NTRK3: variants seen among roughly 807,000 people sequenced by gnomAD.
The protein encoded by NTRK3 is neurotrophic receptor tyrosine kinase 3, also known as NT-3 growth factor receptor.
Under a neutral mutation model 91.7 loss-of-function variants are expected in NTRK3, and 24 were observed. That is an observed-to-expected ratio of 0.26 (90% CI 0.19 to 0.37). The LOEUF (loss-of-function observed/expected upper bound fraction) is 0.37. Among genes scored for constraint, NTRK3 ranks in the 10% least tolerant of loss-of-function variants. The pLI is 1.00. For missense variants in NTRK3, 880 were observed against 1,068.9 expected, an observed-to-expected ratio of 0.82 and a Z score of 2.46; for synonymous variants, 483 against 404.0, an observed-to-expected ratio of 1.20 and a Z score of -2.34.
At chr15:87,868,059 T>G (rs1037850816) in exon 19 of NTRK3, 5 of 231,544 alleles carry the variant, frequency 2.2e-5, no homozygotes, top group African/African-American at 1.1e-4. Flanking sequence ...AAATCACACA[T>G]GTGATGCACA....
chr15:88,177,582 A>T (rs897579579), intron 5 of NTRK3, among the ~76,000 whole-genome samples: 1 of 152,234 alleles, frequency 6.6e-6, no homozygotes, highest in African/African-American at 2.4e-5. Flanking sequence ...CACTTACAAG[A>T]ACAAGAAGCA....
At chr15:87,917,519 T>C (rs1237546672) in intron 17 of NTRK3, among the ~76,000 whole-genome samples, 1 of 152,212 alleles carries the variant, frequency 6.6e-6, no homozygotes, top group African/African-American at 2.4e-5. Flanking sequence ...AGAATGGACT[T>C]GGTGGCCTAA....
intron 14 of NTRK3, chr15:87,981,092 C>T (rs868214710): frequency 2.2e-6 from 3 of 1,381,692 alleles, no homozygotes; most frequent in East Asian, 5.0e-5. Context: ...GTACCAAATC[C>T]CGTGCTGGGC....
At chr15:87,889,878 A>T (rs2065760085) in intron 17 of NTRK3, among the ~76,000 whole-genome samples, 1 of 152,164 alleles carries the variant, frequency 6.6e-6, no homozygotes, top group African/African-American at 2.4e-5. Flanking sequence ...AGATCCACAC[A>T]TCACATTTAG....
At chr15:88,040,511 A>G (rs2142123074) in intron 13 of NTRK3, among the ~76,000 whole-genome samples, 1 of 152,348 alleles carries the variant, frequency 6.6e-6, no homozygotes, top group African/African-American at 2.4e-5. Context: ...TGATACATCA[A>G]TACTCACTCC....
chr15:87,955,556 C>T (rs2071569980), intron 14 of NTRK3, among the ~76,000 whole-genome samples: 2 of 152,174 alleles, frequency 1.3e-5, no homozygotes, highest in African/African-American at 2.4e-5. Context: ...GAGAACCCTA[C>T]GAGGGGTTGA....
intron 5 of NTRK3, among the ~76,000 whole-genome samples, chr15:88,164,472 C>T (rs1313455206): frequency 6.6e-6 from 1 of 152,234 alleles, no homozygotes; most frequent in East Asian, 1.9e-4. Context: ...CTGTCTTCAT[C>T]AGAACTCTTC....
rs146911190 is a variant in NTRK3, at chr15:88,121,677, C to T, written c.1396+4594G>A. On this transcript the variant is annotated intron_variant, in intron 13 of 18. Coordinates refer to ENST00000394480, the Ensembl canonical transcript of NTRK3. Reference sequence around the variant, plus strand: ...ACACACCTCCCAACCACCCTGGCCACCCCATGATCTGACAATCAAAGAGTT... The same window carrying T: ...ACACACCTCCCAACCACCCTGGCCATCCCATGATCTGACAATCAAAGAGTT... 4.9e-3 allele frequency among the ~76,000 whole-genome samples: 748 copies of T among 152,352 alleles called. 4 individuals carry two copies. The highest frequency in any genetic ancestry group is 8.1e-3 in the Non-Finnish European group (552 of 68,038).
In NTRK3 at chr15:88,235,373, G is replaced by T. The variant is rs993704007; in HGVS notation, c.248+20533C>A. Among the ~76,000 whole-genome samples the T allele has an allele frequency of 5.3e-5, 8 of 152,200 alleles. No individual in the cohort carries two copies. Among genetic ancestry groups the T allele is most frequent in the Non-Finnish European group, 1.0e-4 (7 of 68,038 alleles). ...CCCACGCAGTCAGTACCCTGCCGCA[G>T]ACAGTGGACACTCACTGGTCTCGGC... On this transcript the variant is annotated intron_variant, in intron 3 of 18. Transcript: ENST00000394480. This position sits in a 1 kb window ranked among gnomAD's most constrained non-coding sequence, Gnocchi z 5.2.
intron 5 of NTRK3, among the ~76,000 whole-genome samples, chr15:88,167,359 C>T (rs2045063522): frequency 6.6e-6 from 1 of 152,070 alleles, no homozygotes; most frequent in African/African-American, 2.4e-5. Flanking sequence ...GAGTCTCCTC[C>T]CAGGTGTTGG....
intron 13 of NTRK3, among the ~76,000 whole-genome samples, chr15:88,052,500 T>C (rs2045315589): frequency 6.6e-6 from 1 of 152,188 alleles, no homozygotes; most frequent in Non-Finnish European, 1.5e-5. Context: ...TGGGCGTCTT[T>C]CAAAGAGGTA....
At position 88,126,378 on chromosome 15, in the gene NTRK3, G is replaced by A. The variant is rs1423456118; in HGVS notation, c.1294-5C>T. On this transcript the variant is annotated splice_polypyrimidine_tract_variant and splice_region_variant and intron_variant, in intron 12 of 18. Transcript: ENST00000394480. ...AAGTCCAACTGCTATGGATACCTGT[G>A]AGGAACCAGAAACAGAGAGTCAGCA... 1.9e-6 allele frequency: 3 copies of A among 1,600,738 alleles called. No individual in the cohort carries two copies. The highest frequency in any genetic ancestry group is 2.2e-5 in the South Asian group (2 of 90,728).
At chr15:88,216,994 C>T (rs1047784184) in intron 3 of NTRK3, among the ~76,000 whole-genome samples, 1 of 152,174 alleles carries the variant, frequency 6.6e-6, no homozygotes, top group Non-Finnish European at 1.5e-5. Context: ...AAAAATGACT[C>T]TTATGGCCGA....
chr15:87,933,323 G>A (rs75386057), intron 15 of NTRK3, 139 bp from the exon 16 acceptor site: 49 of 826,840 alleles, frequency 5.9e-5, no homozygotes, highest in Non-Finnish European at 9.3e-5. Flanking sequence ...AGACAATGAA[G>A]CTCAATCTCA....
At chr15:88,223,465 C>A (rs1292235959) in intron 3 of NTRK3, among the ~76,000 whole-genome samples, 1 of 152,212 alleles carries the variant, frequency 6.6e-6, no homozygotes, top group Non-Finnish European at 1.5e-5. Flanking sequence ...CCGTGGGCAA[C>A]AAGGGTGGGC....
At chr15:88,164,031 T>A (rs1013413030) in intron 5 of NTRK3, among the ~76,000 whole-genome samples, 1 of 152,166 alleles carries the variant, frequency 6.6e-6, no homozygotes, top group Admixed American at 6.5e-5. Context: ...CAACACTAAT[T>A]AGGTACCTAT....
chr15:88,187,987 G>C (rs2047079639), intron 3 of NTRK3, among the ~76,000 whole-genome samples: 1 of 151,918 alleles, frequency 6.6e-6, no homozygotes, highest in Non-Finnish European at 1.5e-5. Context: ...GGCAGGCCAG[G>C]CACCTAAACC....
At chr15:88,223,115 G>A (rs765528086) in intron 3 of NTRK3, among the ~76,000 whole-genome samples, 2 of 152,172 alleles carry the variant, frequency 1.3e-5, no homozygotes, top group Non-Finnish European at 2.9e-5. Context: ...GGGCTCGGGA[G>A]GCGGGTGGGA....
chr15:88,140,075 A>G (rs1597545525), intron 6 of NTRK3, among the ~76,000 whole-genome samples: 1 of 152,214 alleles, frequency 6.6e-6, no homozygotes, highest in Admixed American at 6.5e-5. Context: ...GGCGAGTGGA[A>G]GCCAGATAAG....
Sources: allele counts gnomAD v4.1 joint callset (sites outside exome capture counted in the v4.1 genomes callset), GRCh38; gene constraint gnomAD v4.1.1; non-coding constraint Gnocchi (gnomAD v3.1); transcripts MANE v1.5; gene names NCBI Gene and HGNC (gene_info 2026-07-23, HGNC 2026-07-21).